Variants in TAFA2 observed in about 807,000 individuals in gnomAD.
The protein encoded by TAFA2 is TAFA chemokine like family member 2, also known as chemokine-like protein TAFA-2.
Under a neutral mutation model 18.8 loss-of-function variants are expected in TAFA2, and 7 were observed. The observed-to-expected ratio is 0.37, with a 90% CI of 0.21 to 0.70. The LOEUF is 0.70. TAFA2 is among the 30% of genes least tolerant of loss of function. The probability of loss-of-function intolerance (pLI) is 0.53; values close to 1 mark genes in which losing one functional copy is unlikely to be tolerated. For missense variants in TAFA2, 122 were observed against 158.1 expected, an observed-to-expected ratio of 0.77 and a Z score of 1.23; for synonymous variants, 60 against 54.2, an observed-to-expected ratio of 1.11 and a Z score of -0.47.
At chr12:62,147,314 GTGTGTATGTATGTA>G (rs1565760026) in intron 1 of TAFA2, among the ~76,000 whole-genome samples, 2 of 28,220 alleles carry the variant, frequency 7.1e-5, no homozygotes, top group Non-Finnish European at 1.5e-4. Flanking sequence ...ATGTGTGTGT[GTGTGTATGTATGTA>G]TATATATATA....
At chr12:61,935,133 A>G (rs1877712688) in intron 1 of TAFA2, among the ~76,000 whole-genome samples, 1 of 152,196 alleles carries the variant, frequency 6.6e-6, no homozygotes, top group South Asian at 2.1e-4. Flanking sequence ...TTACTAATAT[A>G]TCCTTACACT....
intron 1 of TAFA2, among the ~76,000 whole-genome samples, chr12:62,098,039 G>A (rs1161155557): frequency 6.6e-6 from 1 of 152,062 alleles, no homozygotes; most frequent in African/African-American, 2.4e-5. Flanking sequence ...ATACTTATCA[G>A]CAAGAATTTC....
intron 1 of TAFA2, among the ~76,000 whole-genome samples, chr12:62,231,267 T>C (rs948226464): frequency 3.9e-5 from 6 of 152,230 alleles, no homozygotes; most frequent in Non-Finnish European, 7.3e-5. Context: ...TCTATATTGT[T>C]TGCTCCAATG....
intron 1 of TAFA2, among the ~76,000 whole-genome samples, chr12:62,201,262 AC>A (rs764540919): frequency 7.2e-5 from 11 of 152,160 alleles, no homozygotes; most frequent in Non-Finnish European, 1.0e-4. Context: ...CCTGGCCAGA[AC>A]TTCCAATACT....
chr12:61,744,479 C>G (rs903247273), intron 4 of TAFA2, among the ~76,000 whole-genome samples: 3 of 151,974 alleles, frequency 2.0e-5, no homozygotes, highest in Non-Finnish European at 2.9e-5. Flanking sequence ...TAAACAAATA[C>G]CAAGGTAGAC....
chr12:61,813,370 T>C (rs1871952760), intron 2 of TAFA2, among the ~76,000 whole-genome samples: 2 of 151,260 alleles, frequency 1.3e-5, no homozygotes, highest in Non-Finnish European at 2.9e-5. Context: ...GAAGACTTAA[T>C]CTATATAGTA....
At chr12:62,234,978 T>G (rs2062829974) in intron 1 of TAFA2, 1 of 679,730 alleles carries the variant, frequency 1.5e-6, no homozygotes, top group African/African-American at 1.8e-5. Flanking sequence ...CAACAATGTT[T>G]CATCAGAAGG....
chr12:61,718,281 T>G (rs1464746686), intron 4 of TAFA2, among the ~76,000 whole-genome samples: 1 of 152,234 alleles, frequency 6.6e-6, no homozygotes, highest in Admixed American at 6.5e-5. Flanking sequence ...ACTGTTTGCG[T>G]TGCCATTTAT....
chr12:62,070,243 C>T (rs777657349), intron 1 of TAFA2, among the ~76,000 whole-genome samples: 19 of 152,182 alleles, frequency 1.2e-4, no homozygotes, highest in Non-Finnish European at 1.9e-4. Context: ...CAATTGGCAA[C>T]ATTTTTAAGC....
At chr12:62,183,251 G>A (rs2062563762) in intron 1 of TAFA2, among the ~76,000 whole-genome samples, 1 of 152,172 alleles carries the variant, frequency 6.6e-6, no homozygotes, top group Non-Finnish European at 1.5e-5. Context: ...AAGATGGTGG[G>A]TGTCTACAAG....
intron 4 of TAFA2, among the ~76,000 whole-genome samples, chr12:61,720,091 TAAC>T (rs1399951144): frequency 6.6e-6 from 1 of 152,144 alleles, no homozygotes; most frequent in Admixed American, 6.6e-5. Flanking sequence ...ACTTTTCTGA[TAAC>T]AACCATCATA....
intron 1 of TAFA2, among the ~76,000 whole-genome samples, chr12:62,005,357 A>G (rs755339926): frequency 3.3e-5 from 5 of 152,078 alleles, no homozygotes; most frequent in Non-Finnish European, 7.4e-5. Flanking sequence ...TTTTATTGCT[A>G]TCGTCTCCAC....
At chr12:61,727,367 AT>A (rs201917305) in intron 4 of TAFA2, among the ~76,000 whole-genome samples, 3,906 of 149,810 alleles carry the variant, frequency 0.026, 167 homozygotes, top group African/African-American at 0.091. Flanking sequence ...TTTTTTGACA[AT>A]TTTTTTTATT....
chr12:62,165,687 C>T (rs2062433973), intron 1 of TAFA2, among the ~76,000 whole-genome samples: 1 of 151,908 alleles, frequency 6.6e-6, no homozygotes, highest in South Asian at 2.1e-4. Context: ...AGTAATCTGC[C>T]ACAAATTCCA....
chr12:62,122,061 G>A (rs1870221650), intron 1 of TAFA2, among the ~76,000 whole-genome samples: 1 of 152,128 alleles, frequency 6.6e-6, no homozygotes, highest in African/African-American at 2.4e-5. Flanking sequence ...CACACACTGG[G>A]GCCTTTGGAG....
At chr12:61,908,898 C>T (rs913647049) in intron 1 of TAFA2, among the ~76,000 whole-genome samples, 1 of 152,134 alleles carries the variant, frequency 6.6e-6, no homozygotes, top group African/African-American at 2.4e-5. Flanking sequence ...CAAAACTAAA[C>T]CAAAATGATA....
chr12:61,896,355 A>T (rs1050888788), intron 1 of TAFA2, among the ~76,000 whole-genome samples: 7 of 152,212 alleles, frequency 4.6e-5, no homozygotes, highest in African/African-American at 1.7e-4. Context: ...TTACACTTTC[A>T]TGAATGTAAA....
rs528390551 is a variant in TAFA2, at chr12:62,182,959, A to G, written c.-2+8300T>C. On this transcript the variant is annotated intron_variant, in intron 1 of 4. Coordinates refer to ENST00000416284, the MANE Select transcript of TAFA2 (RefSeq NM_178539.5). ...TTTCAAAACTCCAAGTAATATACTA[A>G]AATGGTAAATATCATGAGGGCAGAT... is the stretch of plus-strand genomic sequence containing the variant. Among the ~76,000 whole-genome samples the G allele has an allele frequency of 3.9e-5, 6 of 152,342 alleles. No individual in the cohort carries two copies. In the East Asian group the frequency reaches 1.2e-3, roughly 29 times the overall value.
At chr12:62,246,932 T>TTG (rs1428519837) in intron 1 of TAFA2, among the ~76,000 whole-genome samples, 4 of 152,116 alleles carry the variant, frequency 2.6e-5, no homozygotes, top group Non-Finnish European at 5.9e-5. Flanking sequence ...TTGTTTTGTT[T>TTG]TTTTTAATTA....
Sources: allele counts gnomAD v4.1 joint callset (sites outside exome capture counted in the v4.1 genomes callset), GRCh38; gene constraint gnomAD v4.1.1; transcripts MANE v1.5; gene names NCBI Gene and HGNC (gene_info 2026-07-23, HGNC 2026-07-21).